The following ELAVL2 variants were observed in gnomAD, a reference collection of about 807,000 sequenced individuals.
ELAVL2 encodes the protein ELAV-like protein 2.
ELAVL2 carries 4 observed loss-of-function variants against 34.6 expected under a neutral mutation model. The ratio of observed to expected loss-of-function variants is 0.12; its 90% CI spans 0.06 to 0.26. ELAVL2 has a LOEUF of 0.26. Among genes scored for constraint, ELAVL2 ranks in the 10% least tolerant of loss-of-function variants. ELAVL2 has a pLI of 1.00. For synonymous variants in ELAVL2, 193 were observed against 154.8 expected, an observed-to-expected ratio of 1.25 and a Z score of -1.83; for missense variants, 432 against 442.8, an observed-to-expected ratio of 0.98 and a Z score of 0.22.
chr9:23,833,384 T>C, the ELAVL2 span, among the ~76,000 whole-genome samples: 2 of 151,872 alleles, frequency 1.3e-5, no homozygotes, highest in African/African-American at 4.8e-5. Context: ...CTTAATCAAA[T>C]TGAAAATATG....
At chr9:23,701,641 A>T (rs2037268403) in intron 4 of ELAVL2, 37 bp from the exon 5 acceptor site, 2 of 1,599,916 alleles carry the variant, frequency 1.3e-6, no homozygotes, top group South Asian at 1.1e-5. Context: ...GAAAAGAGGG[A>T]ACAGAAGGAG....
At chr9:23,769,037 A>G (rs1373868660) in intron 1 of ELAVL2, among the ~76,000 whole-genome samples, 5 of 152,178 alleles carry the variant, frequency 3.3e-5, no homozygotes. Flanking sequence ...CTTATTTGCA[A>G]CTAGAAGCTT....
At chr9:23,811,571 T>A (rs1226133103) in intron 1 of ELAVL2, among the ~76,000 whole-genome samples, 1 of 152,204 alleles carries the variant, frequency 6.6e-6, no homozygotes, top group Non-Finnish European at 1.5e-5. Context: ...TGCAACTATA[T>A]TCCCAAAAGG....
At chr9:23,781,438 C>T (rs141312983) in intron 1 of ELAVL2, among the ~76,000 whole-genome samples, 4,484 of 152,060 alleles carry the variant, frequency 0.029, 85 homozygotes, top group East Asian at 0.075. Flanking sequence ...CAATATACTA[C>T]GTTCCAAGTA....
the ELAVL2 span, chr9:23,849,506 T>A: frequency 6.6e-6 from 1 of 152,228 alleles, no homozygotes; most frequent in East Asian, 1.9e-4. Flanking sequence ...TTGTTTCTTT[T>A]CTTCTTCAGG....
At position 23,710,710 on chromosome 9, in the gene ELAVL2, G is replaced by C. The variant is rs138781409; in HGVS notation, c.334-5639C>G. Among the ~76,000 whole-genome samples the C allele has an allele frequency of 1.1e-3, 171 of 152,164 alleles. 1 individual carries two copies. The highest frequency in any genetic ancestry group is 4.0e-3 in the African/African-American group (168 of 41,510). ...AGGTCACAGTTATGCCTATTTAAAC[G>C]GACAGTTAATTGCTGTTCATATTTT... On this transcript the variant is annotated intron_variant, in intron 3 of 6. Coordinates refer to ENST00000397312, the MANE Select transcript of ELAVL2 (RefSeq NM_004432.5).
At position 23,704,961 on chromosome 9, in the gene ELAVL2, A is replaced by G. The variant is rs1053901943; in HGVS notation, c.444T>C (p.Tyr148=). The G allele has an allele frequency of 6.8e-6, 11 of 1,614,168 alleles. No individual in the cohort carries two copies. Among genetic ancestry groups the G allele is most frequent in the South Asian group, 1.1e-5 (1 of 91,086 alleles). ...GAATACGAGAAGTAATAATGCGTCC[A>G]TATTGTGAAAAAAGCTGTTCCAACT... ...QKELEQLFSQ[Y]GRIITSRILV... The change falls in exon 4 of 7, where the codon TAT becomes TAC. Residue 148 remains tyrosine (Y), a synonymous_variant. Coordinates refer to ENST00000397312, the MANE Select transcript of ELAVL2 (RefSeq NM_004432.5).
At chr9:23,801,968 C>A (rs898522431) in intron 1 of ELAVL2, among the ~76,000 whole-genome samples, 1 of 152,164 alleles carries the variant, frequency 6.6e-6, no homozygotes, top group Admixed American at 6.5e-5. Flanking sequence ...CCTAATCTCA[C>A]GACTAATGCG....
chr9:23,797,904 C>A (rs149845499), intron 1 of ELAVL2, among the ~76,000 whole-genome samples: 1 of 150,364 alleles, frequency 6.7e-6, no homozygotes, highest in Non-Finnish European at 1.5e-5. Context: ...CTCCAGCTTG[C>A]GCAACAAGAG....
chr9:23,738,573 C>T (rs1467548669), intron 2 of ELAVL2, among the ~76,000 whole-genome samples: 7 of 152,134 alleles, frequency 4.6e-5, no homozygotes, highest in Non-Finnish European at 7.4e-5. Flanking sequence ...AACCTAGACA[C>T]TCACATAATA....
At chr9:23,737,816 A>C (rs1385250465) in intron 2 of ELAVL2, among the ~76,000 whole-genome samples, 1 of 152,226 alleles carries the variant, frequency 6.6e-6, no homozygotes, top group African/African-American at 2.4e-5. Context: ...CTGTCAAGGA[A>C]GACTTGCAAC....
chr9:23,708,980 G>A (rs1280021394), intron 3 of ELAVL2, among the ~76,000 whole-genome samples: 1 of 152,154 alleles, frequency 6.6e-6, no homozygotes. Flanking sequence ...GAAAAGAGAA[G>A]TGGCCACTAA....
At chr9:23,850,163 T>C in the ELAVL2 span, among the ~76,000 whole-genome samples, 1 of 151,620 alleles carries the variant, frequency 6.6e-6, no homozygotes, top group Non-Finnish European at 1.5e-5. Flanking sequence ...AGGGGAGAGT[T>C]GAGTGGTTGG....
rs114345633 is a variant in ELAVL2 at position 23,758,610 on chromosome 9, G to A, written c.229+3396C>T. Among the ~76,000 whole-genome samples the A allele has an allele frequency of 9.2e-3, 1,404 of 152,144 alleles. 19 individuals are homozygous for A. The highest frequency in any genetic ancestry group is 0.031 in the African/African-American group (1,288 of 41,518). On this transcript the variant is annotated intron_variant, in intron 2 of 6. Transcript: ENST00000397312. ...GCTCATATGTTATTGATGTGAACAGGTTAAACTGGTCTGATAACCAGTTAA... is the reference window on the plus strand; with the variant it reads ...GCTCATATGTTATTGATGTGAACAGATTAAACTGGTCTGATAACCAGTTAA...
chr9:23,773,301 T>C (rs1281756924), intron 1 of ELAVL2, among the ~76,000 whole-genome samples: 1 of 152,148 alleles, frequency 6.6e-6, no homozygotes, highest in Non-Finnish European at 1.5e-5. Flanking sequence ...TATATCCACA[T>C]CAGGCACATA....
At chr9:23,712,490 A>C (rs1305253843) in intron 3 of ELAVL2, among the ~76,000 whole-genome samples, 1 of 152,190 alleles carries the variant, frequency 6.6e-6, no homozygotes, top group Non-Finnish European at 1.5e-5. Flanking sequence ...TAATTCTTCT[A>C]CTAGTAATGC....
At chr9:23,777,981 CT>C (rs11303165) in intron 1 of ELAVL2, among the ~76,000 whole-genome samples, 149,596 of 152,274 alleles carry the variant, frequency 0.98, 73,497 homozygotes, top group East Asian at 1. Flanking sequence ...GCCAGGTGGC[CT>C]ACTCTGAACA....
At chr9:23,725,492 C>T (rs976671653) in intron 3 of ELAVL2, among the ~76,000 whole-genome samples, 3 of 152,268 alleles carry the variant, frequency 2.0e-5, no homozygotes, top group Non-Finnish European at 2.9e-5. Flanking sequence ...AAGCCCTTAG[C>T]GTAGCTTTAC....
intron 1 of ELAVL2, among the ~76,000 whole-genome samples, chr9:23,815,999 T>C (rs2063649225): frequency 6.6e-6 from 1 of 152,122 alleles, no homozygotes; most frequent in Non-Finnish European, 1.5e-5. Flanking sequence ...CAGTTCTCAC[T>C]AGTATAAGAA....
Sources: allele counts gnomAD v4.1 joint callset (sites outside exome capture counted in the v4.1 genomes callset), GRCh38; gene constraint gnomAD v4.1.1; transcripts MANE v1.5; gene names NCBI Gene and HGNC (gene_info 2026-07-23, HGNC 2026-07-21).